LRGUK: variants seen among roughly 807,000 people sequenced by gnomAD.
LRGUK encodes the protein leucine rich repeats and guanylate kinase domain containing.
In LRGUK, 65 loss-of-function variants were observed where a neutral mutation model predicts 76.0. The ratio of observed to expected loss-of-function variants is 0.85; its 90% CI spans 0.70 to 1.05. LRGUK has a LOEUF of 1.05. LRGUK is among the 50% of genes least tolerant of loss of function. The pLI, the probability that LRGUK is intolerant of heterozygous loss-of-function variation, is 0.00. For synonymous variants in LRGUK, 268 were observed against 265.6 expected (o/e 1.01, Z -0.09); for missense variants, 758 against 732.8 (o/e 1.03, Z -0.40).
At chr7:134,129,287 C>T (rs1447906242) in intron 1 of LRGUK, among the ~76,000 whole-genome samples, 1 of 134,646 alleles carries the variant, frequency 7.4e-6, no homozygotes, top group Non-Finnish European at 1.6e-5. Context: ...CCTCCCTCCA[C>T]TCTGTCTCTC....
chr7:134,148,257 A>G (rs1251146831), exon 5 of LRGUK: 8 of 1,605,118 alleles, frequency 5.0e-6, no homozygotes, highest in Non-Finnish European at 6.8e-6. Flanking sequence ...TTTTCCCACA[A>G]CCAAATTTCT....
intron 1 of LRGUK, among the ~76,000 whole-genome samples, chr7:134,134,527 G>C (rs1797445647): frequency 6.6e-6 from 1 of 152,178 alleles, no homozygotes; most frequent in South Asian, 2.1e-4. Flanking sequence ...TTATTGTGCA[G>C]AGTGCTGCCT....
chr7:134,155,258 T>C (rs1232665070), intron 5 of LRGUK, among the ~76,000 whole-genome samples: 1 of 152,238 alleles, frequency 6.6e-6, no homozygotes, highest in African/African-American at 2.4e-5. Flanking sequence ...TGTTTCATAT[T>C]CATATTTTGT....
chr7:134,272,266 A>G, the LRGUK span, among the ~76,000 whole-genome samples: 5 of 152,318 alleles, frequency 3.3e-5, no homozygotes, highest in South Asian at 2.1e-4. Context: ...CACTTGCAGT[A>G]TGTATTAATT....
At chr7:134,233,966 AT>A (rs926394887) in intron 16 of LRGUK, among the ~76,000 whole-genome samples, 1 of 151,780 alleles carries the variant, frequency 6.6e-6, no homozygotes, top group Non-Finnish European at 1.5e-5. Context: ...AAAACATGAG[AT>A]TTTTTTTGCA....
chr7:134,137,426 T>A (rs1263706469), intron 2 of LRGUK, among the ~76,000 whole-genome samples: 22 of 152,202 alleles, frequency 1.4e-4, no homozygotes, highest in Non-Finnish European at 5.9e-5. Flanking sequence ...TGAATTTGAT[T>A]CTGTAAAACC....
chr7:134,256,065 C>A (rs1418953173), intron 18 of LRGUK, among the ~76,000 whole-genome samples: 3 of 152,092 alleles, frequency 2.0e-5, no homozygotes, highest in Non-Finnish European at 4.4e-5. Context: ...GCCCTCTTCC[C>A]AAGCCATAGT....
At chr7:134,260,181 A>G (rs1802685720) in intron 19 of LRGUK, among the ~76,000 whole-genome samples, 1 of 152,054 alleles carries the variant, frequency 6.6e-6, no homozygotes, top group African/African-American at 2.4e-5. Flanking sequence ...TGGTATTATC[A>G]CATATAACTA....
intron 3 of LRGUK, among the ~76,000 whole-genome samples, chr7:134,142,710 C>T (rs147315728): frequency 5.9e-5 from 9 of 152,308 alleles, no homozygotes; most frequent in African/African-American, 2.2e-4. Flanking sequence ...TGCTTTTCAT[C>T]CTTTTCTCAA....
At chr7:134,251,930 T>C (rs1262410861) in intron 18 of LRGUK, among the ~76,000 whole-genome samples, 2 of 152,106 alleles carry the variant, frequency 1.3e-5, no homozygotes, top group Non-Finnish European at 2.9e-5. Context: ...GTTGGCAATA[T>C]TGGTCTCAGT....
At chr7:134,273,452 A>G in the LRGUK span, among the ~76,000 whole-genome samples, 1 of 151,872 alleles carries the variant, frequency 6.6e-6, no homozygotes, top group Non-Finnish European at 1.5e-5. Flanking sequence ...ACCAAAGCCC[A>G]CTATCCATCC....
chr7:134,157,194 A>G (rs1798503079), intron 5 of LRGUK, among the ~76,000 whole-genome samples: 1 of 152,218 alleles, frequency 6.6e-6, no homozygotes, highest in Non-Finnish European at 1.5e-5. Flanking sequence ...GAATGATTTT[A>G]TGACCTCATT....
At chr7:134,232,353 A>G (rs1801921959) in intron 16 of LRGUK, among the ~76,000 whole-genome samples, 2 of 151,510 alleles carry the variant, frequency 1.3e-5, no homozygotes, top group Admixed American at 1.3e-4. Context: ...ATCTCGGCTC[A>G]CTGCAACCTC....
At chr7:134,144,224 C>T (rs188313517) in intron 4 of LRGUK, among the ~76,000 whole-genome samples, 10 of 152,304 alleles carry the variant, frequency 6.6e-5, no homozygotes, top group Admixed American at 2.6e-4. Flanking sequence ...CCGCAACCTC[C>T]GACTCCTGGG....
intron 18 of LRGUK, among the ~76,000 whole-genome samples, chr7:134,253,852 T>C (rs141563969): frequency 5.3e-4 from 80 of 152,290 alleles, no homozygotes; most frequent in African/African-American, 1.9e-3. Flanking sequence ...AGACAGCACG[T>C]TGATTAAAAT....
At chr7:134,141,932 A>T (rs1797782816) in intron 3 of LRGUK, among the ~76,000 whole-genome samples, 1 of 152,202 alleles carries the variant, frequency 6.6e-6, no homozygotes, top group Non-Finnish European at 1.5e-5. Context: ...GAAAAATAAC[A>T]TAGAAATTGG....
chr7:134,166,391 G>A (rs1275047451), intron 7 of LRGUK, among the ~76,000 whole-genome samples: 1 of 152,098 alleles, frequency 6.6e-6, no homozygotes, highest in Non-Finnish European at 1.5e-5. Context: ...ATCATTTCCA[G>A]CATTTAAAAC....
In LRGUK at chr7:134,131,900, G is replaced by A. The variant is rs955538741; in HGVS notation, c.297+4236G>A. ...CTGGGAAATCATCCAGGAAGGGATGGGAGGGAAAAGGCCACGAATAGACCC... is the reference window on the plus strand; with the variant it reads ...CTGGGAAATCATCCAGGAAGGGATGAGAGGGAAAAGGCCACGAATAGACCC... On this transcript the variant is annotated intron_variant, in intron 1 of 15. Transcript: ENST00000645682. Among the ~76,000 whole-genome samples the A allele has an allele frequency of 3.9e-5, 6 of 152,142 alleles. No homozygotes were observed. In the East Asian group the frequency reaches 1.2e-3, roughly 29 times the overall value.
intron 18 of LRGUK, among the ~76,000 whole-genome samples, chr7:134,257,041 C>T (rs1298430842): frequency 1.3e-5 from 2 of 152,100 alleles, no homozygotes; most frequent in Admixed American, 6.5e-5. Context: ...TCGTGTCCAC[C>T]TTTCTGTCAG....
Sources: gnomAD v4.1 joint callset for allele counts (sites outside exome capture counted in the v4.1 genomes callset) on GRCh38, gnomAD v4.1.1 for gene constraint, MANE v1.5 for transcripts, NCBI Gene and HGNC (gene_info 2026-07-23, HGNC 2026-07-21) for gene names.